SLC5A1: variants seen among roughly 807,000 people sequenced by gnomAD.
The protein encoded by SLC5A1 is solute carrier family 5 member 1.
A neutral mutation model predicts 73.5 loss-of-function variants in SLC5A1; 42 were observed. The ratio of observed to expected loss-of-function variants is 0.57; its 90% CI spans 0.45 to 0.74. SLC5A1 has a LOEUF of 0.74. Among genes scored for constraint, SLC5A1 ranks in the 30% least tolerant of loss-of-function variants. SLC5A1 has a pLI of 0.00. For missense variants in SLC5A1, 634 were observed against 855.4 expected (o/e 0.74, Z 3.23); for synonymous variants, 300 against 317.4 (o/e 0.95, Z 0.58).
At chr22:32,050,136 T>G in intron 2 of SLC5A1, 122 bp downstream of exon 2, 1 of 866,452 alleles carries the variant, frequency 1.2e-6, no homozygotes, top group South Asian at 1.3e-5. Flanking sequence ...ACCAGATTCT[T>G]GACAGTGAGT....
intron 1 of SLC5A1, among the ~76,000 whole-genome samples, chr22:32,044,753 T>C (rs867678591): frequency 4.6e-5 from 7 of 152,150 alleles, no homozygotes; most frequent in African/African-American, 1.7e-4. Context: ...TTAACATAGG[T>C]ACACTCTTAT....
At position 32,112,043 on chromosome 22, in the gene SLC5A1, T is replaced by A. The variant is rs2094058079; in HGVS notation, c.*1830T>A. The A allele has an allele frequency of 6.6e-6, 1 of 152,184 alleles. No homozygotes were observed. Among genetic ancestry groups the A allele is most frequent in the South Asian group, 2.1e-4 (1 of 4,824 alleles). 9.4% of individuals were successfully genotyped at this position (152,184 alleles called of 1,614,324 possible). A position where few individuals can be genotyped will look rare whatever the true frequency, so the allele number is the denominator to read the frequency against. On this transcript the variant is annotated 3_prime_UTR_variant, in exon 15 of 15. Coordinates refer to ENST00000266088, the MANE Select transcript of SLC5A1 (RefSeq NM_000343.4). ...GAGGAGAAGGCTCAGAGTACAGATA[T>A]ACCCCGAGCAACGTGATCAATGTCC...
intron 2 of SLC5A1, among the ~76,000 whole-genome samples, chr22:32,062,630 A>T (rs2093965092): frequency 6.6e-6 from 1 of 152,194 alleles, no homozygotes; most frequent in African/African-American, 2.4e-5. Context: ...TCACAGGAAC[A>T]TGGGGGAGAA....
intron 14 of SLC5A1, among the ~76,000 whole-genome samples, chr22:32,107,291 A>G (rs77621610): frequency 0.045 from 6,851 of 152,284 alleles, 210 homozygotes; most frequent in Non-Finnish European, 0.071. Flanking sequence ...GTGTCAAAAG[A>G]TCTTATTGTG....
intron 11 of SLC5A1, among the ~76,000 whole-genome samples, chr22:32,092,309 A>G (rs1333234155): frequency 6.6e-6 from 1 of 152,176 alleles, no homozygotes; most frequent in Non-Finnish European, 1.5e-5. Context: ...GGATTCCATC[A>G]TATGTATATA....
chr22:32,057,138 A>G (rs2093953056), intron 2 of SLC5A1, among the ~76,000 whole-genome samples: 2 of 152,190 alleles, frequency 1.3e-5, no homozygotes, highest in African/African-American at 4.8e-5. Flanking sequence ...TGTGCTTTGA[A>G]GGAGGGGAGG....
chr22:32,077,507 G>A (rs1234807373), intron 5 of SLC5A1, among the ~76,000 whole-genome samples: 1 of 152,004 alleles, frequency 6.6e-6, no homozygotes, highest in Non-Finnish European at 1.5e-5. Context: ...TGGTCTCATA[G>A]GATGACAGGA....
chr22:32,055,212 A>C (rs1456217549), intron 2 of SLC5A1, among the ~76,000 whole-genome samples: 3 of 152,150 alleles, frequency 2.0e-5, no homozygotes, highest in Non-Finnish European at 2.9e-5. Context: ...GAAGGTAATG[A>C]GTGAAAGAGG....
At position 32,081,979 on chromosome 22, in the gene SLC5A1, C is replaced by A. The variant is rs1367470233; in HGVS notation, c.583+8C>A. 9 of 1,573,140 alleles carry A rather than the reference C, an allele frequency of 5.7e-6. No individual in the cohort carries two copies. The Admixed American group carries it at 1.5e-4, about 26-fold the overall frequency. The stretch of plus-strand genomic sequence containing the variant: ...CCCTTTACACAATTACAGGTGAGTC[C>A]ATTCAAATAAACCAGCACCTCAAAC... On this transcript the variant is annotated splice_region_variant and intron_variant, in intron 6 of 14. Transcript: ENST00000266088.
intron 2 of SLC5A1, among the ~76,000 whole-genome samples, chr22:32,052,704 G>C (rs1448513947): frequency 6.6e-6 from 1 of 152,172 alleles, no homozygotes; most frequent in Admixed American, 6.5e-5. Flanking sequence ...TGAGAGCTAG[G>C]CCTACGCTTT....
chr22:32,093,190 G>C lies in SLC5A1; in HGVS notation c.1280+1428G>C, dbSNP rs80016604. On this transcript the variant is annotated intron_variant, in intron 11 of 14. Transcript: ENST00000266088. Reference sequence around the variant, plus strand: ...CCTATTTTTATATCAGTACCATGCTGTTTTGGTGGCTCTGGCCTTATAGTA... The same window carrying C: ...CCTATTTTTATATCAGTACCATGCTCTTTTGGTGGCTCTGGCCTTATAGTA... Among the ~76,000 whole-genome samples, 1,382 of 152,264 alleles carry C rather than the reference G, an allele frequency of 9.1e-3. 21 individuals are homozygous for C. Among genetic ancestry groups the C allele is most frequent in the African/African-American group, 0.031 (1,294 of 41,540 alleles).
chr22:32,091,685 C>T lies in SLC5A1; in HGVS notation c.1203C>T (p.Ala401=), dbSNP rs895443899. Residue 401 remains alanine (A), a synonymous_variant, in exon 11 of 15, where the codon GCC becomes GCT. Coordinates refer to ENST00000266088, the MANE Select transcript of SLC5A1 (RefSeq NM_000343.4). ...CCCTGACCTCCATCTTCAACAGCGC[C>T]AGCACCCTCTTCACCATGGACATCT... is the stretch of plus-strand genomic sequence containing the variant. ...MSSLTSIFNS[A]STLFTMDIYA... 4 of 1,613,942 alleles carry T rather than the reference C, an allele frequency of 2.5e-6. No homozygotes were observed. The highest frequency in any genetic ancestry group is 3.4e-6 in the Non-Finnish European group (4 of 1,179,978).
chr22:32,046,307 C>T (rs2093937080), intron 1 of SLC5A1, among the ~76,000 whole-genome samples: 1 of 152,100 alleles, frequency 6.6e-6, no homozygotes, highest in Admixed American at 6.5e-5. Flanking sequence ...ATACTCCCTC[C>T]ATGGTCCTTA....
chr22:32,052,874 CTA>C (rs2093946881), intron 2 of SLC5A1, among the ~76,000 whole-genome samples: 2 of 152,122 alleles, frequency 1.3e-5, no homozygotes, highest in South Asian at 4.2e-4. Flanking sequence ...AGACCTGAGT[CTA>C]TATTCTGGCC....
At chr22:32,063,556 A>G (rs1261883702) in intron 2 of SLC5A1, among the ~76,000 whole-genome samples, 2 of 152,194 alleles carry the variant, frequency 1.3e-5, no homozygotes, top group African/African-American at 2.4e-5. Flanking sequence ...TTAGGCCTGT[A>G]GCTGTCAGGA....
intron 5 of SLC5A1, among the ~76,000 whole-genome samples, chr22:32,077,614 C>A (rs1467854471): frequency 6.6e-6 from 1 of 152,050 alleles, no homozygotes; most frequent in Non-Finnish European, 1.5e-5. Flanking sequence ...TACAGGAATG[C>A]AGAAAGAATA....
rs568245165 is a variant in SLC5A1, at chr22:32,064,498, GA to G, written c.208-2423del. Among the ~76,000 whole-genome samples the G allele has an allele frequency of 5.1e-3, 685 of 133,712 alleles. 8 individuals are homozygous for G. Among genetic ancestry groups the G allele is most frequent in the African/African-American group, 0.015 (538 of 35,878 alleles). 87.7% of individuals were successfully genotyped at this position (133,712 alleles called of 152,430 possible). On this transcript the variant is annotated intron_variant, in intron 2 of 14. Transcript: ENST00000266088. ...TGACAGGAATAAAACCCTGTCTTAG[GA>G]AAAAAAAAAAAAAGTGGACTGTTAT...
At chr22:32,082,975 G>C in intron 6 of SLC5A1, 99 bp from the exon 7 acceptor site, 1 of 933,076 alleles carries the variant, frequency 1.1e-6, no homozygotes, top group South Asian at 1.4e-5. Flanking sequence ...GATGTTCTCA[G>C]AAGGCCAGCA....
chr22:32,102,008 G>A lies in SLC5A1; in HGVS notation c.1450-14G>A, dbSNP rs772549998. The A allele has an allele frequency of 1.2e-6, 2 of 1,604,576 alleles. No homozygotes were observed. Among genetic ancestry groups the A allele is most frequent in the Non-Finnish European group, 1.7e-6 (2 of 1,171,364 alleles). On this transcript the variant is annotated splice_polypyrimidine_tract_variant and intron_variant, in intron 12 of 14. Coordinates refer to ENST00000266088, the MANE Select transcript of SLC5A1 (RefSeq NM_000343.4). ...TGTGTTCAGCATGAGTTAACCCAGG[G>A]TTTTCTTTCACAGGGAGCCTTTTGG... is the stretch of plus-strand genomic sequence containing the variant.
Sources: gnomAD v4.1 joint callset for allele counts (sites outside exome capture counted in the v4.1 genomes callset) on GRCh38, gnomAD v4.1.1 for gene constraint, MANE v1.5 for transcripts, NCBI Gene and HGNC (gene_info 2026-07-23, HGNC 2026-07-21) for gene names.